Variants in SFSWAP observed in about 807,000 individuals in gnomAD.
The protein encoded by SFSWAP is splicing factor SWAP, also known as splicing factor, suppressor of white-apricot homolog.
SFSWAP carries 17 observed loss-of-function variants against 100.7 expected under a neutral mutation model. The ratio of observed to expected loss-of-function variants is 0.17; its 90% CI spans 0.12 to 0.25. The LOEUF (loss-of-function observed/expected upper bound fraction) is 0.25. SFSWAP is among the 10% of genes least tolerant of loss of function. The probability of loss-of-function intolerance (pLI) is 1.00; values close to 1 mark genes in which losing one functional copy is unlikely to be tolerated. For synonymous variants in SFSWAP, 504 were observed against 510.1 expected (o/e 0.99, Z 0.16); for missense variants, 1,005 against 1,262.6 (o/e 0.80, Z 3.09).
At chr12:131,717,824 G>A (rs1024427983) in intron 3 of SFSWAP, among the ~76,000 whole-genome samples, 9 of 152,146 alleles carry the variant, frequency 5.9e-5, no homozygotes, top group Non-Finnish European at 8.8e-5. Flanking sequence ...TCCACCTCCC[G>A]GGTTCAAGCA....
chr12:131,795,091 C>G (rs537332667), intron 15 of SFSWAP, among the ~76,000 whole-genome samples: 40 of 152,370 alleles, frequency 2.6e-4, no homozygotes, highest in African/African-American at 9.1e-4. Context: ...AAAAATGACT[C>G]TTTCGTGCAG....
intron 7 of SFSWAP, among the ~76,000 whole-genome samples, chr12:131,735,844 A>G (rs1411121887): frequency 1.3e-5 from 2 of 152,344 alleles, no homozygotes; most frequent in Admixed American, 1.3e-4. Context: ...CCATCTTCTC[A>G]AAGTATTCAG....
At chr12:131,784,278 T>A (rs1432668786) in intron 14 of SFSWAP, 3 of 152,148 alleles carry the variant, frequency 2.0e-5, no homozygotes, top group Non-Finnish European at 2.9e-5. Flanking sequence ...AGTTTCAACT[T>A]GAGGAAAATT....
At chr12:131,752,639 G>A (rs1016231411) in intron 7 of SFSWAP, among the ~76,000 whole-genome samples, 2 of 152,218 alleles carry the variant, frequency 1.3e-5, no homozygotes, top group African/African-American at 2.4e-5. Flanking sequence ...GATGGTTTCC[G>A]GATTAACGTG....
chr12:131,727,827 C>T (rs1879124975), intron 6 of SFSWAP, among the ~76,000 whole-genome samples: 1 of 152,078 alleles, frequency 6.6e-6, no homozygotes, highest in Non-Finnish European at 1.5e-5. Flanking sequence ...TAATTCACAC[C>T]ACTCTGCCAT....
At chr12:131,771,650 C>CTTTTTTTT (rs398021691) in intron 13 of SFSWAP, among the ~76,000 whole-genome samples, 58 of 86,096 alleles carry the variant, frequency 6.7e-4, no homozygotes, top group African/African-American at 2.2e-3. Flanking sequence ...GCTAATGTCT[C>CTTTTTTTT]TTTTTTTTTT....
Position 131,785,344 on chromosome 12 carries a change from C to T in SFSWAP, c.2409-1119C>T, listed in dbSNP as rs1280851959. The T allele has an allele frequency of 2.9e-5, 28 of 980,478 alleles. 1 individual carries two copies. Among genetic ancestry groups the T allele is most frequent in the Non-Finnish European group, 3.7e-5 (25 of 669,510 alleles). The allele number at this position is 980,478 out of a possible 1,614,324, so 60.7% of individuals were successfully genotyped here. On this transcript the variant is annotated intron_variant, in intron 14 of 17. Coordinates refer to ENST00000261674, the MANE Select transcript of SFSWAP (RefSeq NM_004592.4). The stretch of plus-strand genomic sequence containing the variant: ...AGCCACTCCTGGCCCTCCAGGATGC[C>T]GGGGTCTGAGTGATCCCGAGCTGAT...
In SFSWAP at chr12:131,725,589, G is replaced by A. The variant is rs1467344819; in HGVS notation, c.791G>A (p.Arg264His). ...ATCCAGAAAGCCATGAAAGAGGGACGCTACACTGTCCTGGCAGAAAACAAA... is the reference window on the plus strand; with the variant it reads ...ATCCAGAAAGCCATGAAAGAGGGACACTACACTGTCCTGGCAGAAAACAAA... Reference protein sequence around the residue: ...KFIQKAMKEGRYTVLAENKSD... With the variant: ...KFIQKAMKEGHYTVLAENKSD... The change falls in exon 5 of 18, where the codon CGC becomes CAC. Residue 264 changes from arginine (R) to histidine (H), a missense_variant. Transcript: ENST00000261674. This position sits in a 1 kb window ranked among gnomAD's most constrained non-coding sequence, Gnocchi z 4.3. 7 of 1,614,076 alleles carry A rather than the reference G, an allele frequency of 4.3e-6. No homozygotes were observed. The highest frequency in any genetic ancestry group is 1.7e-5 in the Admixed American group (1 of 59,990).
At chr12:131,792,503 G>T (rs1885334702) in intron 15 of SFSWAP, among the ~76,000 whole-genome samples, 1 of 147,006 alleles carries the variant, frequency 6.8e-6, no homozygotes, top group Non-Finnish European at 1.5e-5. Context: ...GACCAGTACT[G>T]TGTGTGCATA....
intron 14 of SFSWAP, chr12:131,785,080 G>A (rs758332334): frequency 1.3e-6 from 2 of 1,534,652 alleles, no homozygotes; most frequent in South Asian, 2.4e-5. Flanking sequence ...CAGAGTCACA[G>A]CCTCCCCAGG....
At chr12:131,750,571 C>T (rs1322620289) in intron 7 of SFSWAP, among the ~76,000 whole-genome samples, 3 of 152,222 alleles carry the variant, frequency 2.0e-5, no homozygotes, top group African/African-American at 7.2e-5. Flanking sequence ...AGAGCATTGT[C>T]AGCCTGAGTG....
intron 15 of SFSWAP, among the ~76,000 whole-genome samples, chr12:131,791,008 AT>A (rs780404397): frequency 1.3e-5 from 2 of 152,242 alleles, no homozygotes; most frequent in Non-Finnish European, 2.9e-5. Context: ...TAAAAACAAG[AT>A]TGTAGACTTA....
In SFSWAP at chr12:131,799,559, C is replaced by T. The variant is rs1409777713; in HGVS notation, c.*71C>T. 4 of 1,292,374 alleles carry T rather than the reference C, an allele frequency of 3.1e-6. No individual in the cohort carries two copies. The highest frequency in any genetic ancestry group is 2.4e-5 in the East Asian group (1 of 41,906). The allele number at this position is 1,292,374 out of a possible 1,614,324, so 80.1% of individuals were successfully genotyped here. A position where few individuals can be genotyped will look rare whatever the true frequency, so the allele number is the denominator to read the frequency against. The stretch of plus-strand genomic sequence containing the variant: ...GGCAGGCTCACGCAGACGCCGGCCA[C>T]ACCATCCACCTGGCCGCCTCCATGG... On this transcript the variant is annotated 3_prime_UTR_variant, in exon 18 of 18. Coordinates refer to ENST00000261674, the MANE Select transcript of SFSWAP (RefSeq NM_004592.4).
In SFSWAP at chr12:131,738,885, C is replaced by CTTTTTTTTTTTTTTTTTTTTTTTTT. The variant is rs71072785; in HGVS notation, c.1081+10481_1081+10482insTTTTTTTTTTTTTTTTTTTTTTTTT. On this transcript the variant is annotated intron_variant, in intron 7 of 17. Transcript: ENST00000261674. Reference sequence around the variant, plus strand: ...TTCCAGTGCTGTAATGAACATTATTCTTTTTTTTTTTTTTTTTTTTTTTTG... The same window carrying CTTTTTTTTTTTTTTTTTTTTTTTTT: ...TTCCAGTGCTGTAATGAACATTATTCTTTTTTTTTTTTTTTTTTTTTTTTTTTTTTTTTTTTTTTTTTTTTTTTTG... Among the ~76,000 whole-genome samples, 26 of 48,718 alleles carry CTTTTTTTTTTTTTTTTTTTTTTTTT rather than the reference C, an allele frequency of 5.3e-4. 5 individuals are homozygous for CTTTTTTTTTTTTTTTTTTTTTTTTT. Among genetic ancestry groups the CTTTTTTTTTTTTTTTTTTTTTTTTT allele is most frequent in the African/African-American group, 9.4e-4 (16 of 17,100 alleles). 32.0% of individuals were successfully genotyped at this position (48,718 alleles called of 152,430 possible). A position where few individuals can be genotyped will look rare whatever the true frequency, so the allele number is the denominator to read the frequency against.
At chr12:131,728,974 T>C (rs1200796734) in intron 7 of SFSWAP, among the ~76,000 whole-genome samples, 1 of 152,010 alleles carries the variant, frequency 6.6e-6, no homozygotes, top group Non-Finnish European at 1.5e-5. Context: ...GGATTGCAGG[T>C]TTGAGCCACT....
At chr12:131,731,901 C>CTT (rs755819493) in intron 7 of SFSWAP, among the ~76,000 whole-genome samples, 6,326 of 55,236 alleles carry the variant, frequency 0.11, 1,968 homozygotes, top group Non-Finnish European at 0.17. Context: ...TACTATTTTA[C>CTT]TTTTTTTTTT....
In SFSWAP at chr12:131,767,965, T is replaced by C. The variant is rs76913459; in HGVS notation, c.2142+1657T>C. ...GGTAGTAACTCCGGGAATTTTACTT[T>C]TTGAAAAGTTTCAAACCTTCAAAAA... On this transcript the variant is annotated intron_variant, in intron 13 of 17. Transcript: ENST00000261674. Among the ~76,000 whole-genome samples, 5 of 152,384 alleles carry C rather than the reference T, an allele frequency of 3.3e-5. No individual in the cohort carries two copies. The South Asian group carries it at 8.3e-4, about 25-fold the overall frequency.
At chr12:131,785,619 C>T (rs942156749) in intron 14 of SFSWAP, 27 of 166,660 alleles carry the variant, frequency 1.6e-4, no homozygotes, top group Non-Finnish European at 3.0e-4. Context: ...GCTAAGGGGC[C>T]TCCACTAAAG....
At chr12:131,736,770 T>C (rs1358831127) in intron 7 of SFSWAP, among the ~76,000 whole-genome samples, 2 of 152,162 alleles carry the variant, frequency 1.3e-5, no homozygotes, top group African/African-American at 2.4e-5. Flanking sequence ...TTATTTTGTA[T>C]ATGCGAGTTT....
Sources: allele counts gnomAD v4.1 joint callset (sites outside exome capture counted in the v4.1 genomes callset), GRCh38; gene constraint gnomAD v4.1.1; non-coding constraint Gnocchi (gnomAD v3.1); transcripts MANE v1.5; gene names NCBI Gene and HGNC (gene_info 2026-07-23, HGNC 2026-07-21).